The following MAN2A2 variants were observed in gnomAD, a reference collection of about 807,000 sequenced individuals.
MAN2A2 encodes the protein mannosidase alpha class 2A member 2, also known as alpha-mannosidase 2x.
In MAN2A2, 79 loss-of-function variants were observed where a neutral mutation model predicts 126.8. The ratio of observed to expected loss-of-function variants is 0.62; its 90% CI spans 0.52 to 0.75. MAN2A2 has a LOEUF of 0.75. MAN2A2 is among the 30% of genes least tolerant of loss of function. The pLI, the probability that MAN2A2 is intolerant of heterozygous loss-of-function variation, is 0.00. For missense variants in MAN2A2, 1,392 were observed against 1,522.4 expected (o/e 0.91, Z 1.43); for synonymous variants, 671 against 618.7 (o/e 1.08, Z -1.25).
chr15:90,913,435 C>A (rs1359801971), intron 18 of MAN2A2, 29 bp downstream of exon 18: 1 of 1,578,930 alleles, frequency 6.3e-7, no homozygotes, highest in South Asian at 1.1e-5. Context: ...TCTCGGAGAC[C>A]CCACAGAGTA....
intron 1 of MAN2A2, chr15:90,903,800 G>T (rs1321168608): frequency 3.1e-6 from 1 of 321,884 alleles, no homozygotes; most frequent in Non-Finnish European, 6.1e-6. Context: ...TTGGGTTCTG[G>T]CTAAACTTTT....
At position 90,910,246 on chromosome 15, in the gene MAN2A2, C is replaced by T. The variant is rs1445315505; in HGVS notation, c.1531C>T (p.Arg511Trp). The T allele has an allele frequency of 3.7e-6, 6 of 1,614,088 alleles. No homozygotes were observed. The highest frequency in any genetic ancestry group is 1.3e-5 in the African/African-American group (1 of 74,934). Residue 511 changes from arginine to tryptophan, a missense_variant, in exon 10 of 23, where the codon CGG (arginine) becomes TGG (tryptophan). Arg to Trp is a moderately radical substitution (Grantham distance 101, BLOSUM62 -3). Coordinates refer to ENST00000559717, the MANE Select transcript of MAN2A2 (RefSeq NM_006122.4). ...DHYWTGYYTS[R>W]PFYKSLDRVL... ...TTACTGGACAGGCTATTACACTTCC[C>T]GGCCCTTCTACAAGAGCTTAGACCG...
intron 20 of MAN2A2, among the ~76,000 whole-genome samples, 155 bp from the exon 21 acceptor site, chr15:90,918,039 C>T (rs1056898510): frequency 2.6e-5 from 4 of 152,164 alleles, no homozygotes; most frequent in East Asian, 1.9e-4. Context: ...GAAGGGTTAG[C>T]GGAACCTCGC....
intron 14 of MAN2A2, 39 bp from the exon 15 acceptor site, chr15:90,912,004 A>G: frequency 1.3e-6 from 2 of 1,557,172 alleles, no homozygotes; most frequent in Non-Finnish European, 1.8e-6. Context: ...CTGTGGCGAA[A>G]GCCGTGCCCC....
chr15:90,910,333 C>T (rs754200625), intron 10 of MAN2A2, 41 bp downstream of exon 10: 16 of 1,608,984 alleles, frequency 9.9e-6, no homozygotes, highest in Admixed American at 1.7e-5. Flanking sequence ...GGGGGAGAGT[C>T]AGCCTTTGGG....
At position 90,906,012 on chromosome 15, in the gene MAN2A2, C is replaced by T. The variant is rs147593880; in HGVS notation, c.703C>T (p.Arg235Ter). 4.3e-6 allele frequency: 7 copies of T among 1,613,608 alleles called. No individual in the cohort carries two copies. Among genetic ancestry groups the T allele is most frequent in the East Asian group, 4.5e-5 (2 of 44,884 alleles). ...NINVQKRAAV[R>*]RLVGNGQLEI... ...CAATGTCCAAAAGAGAGCGGCAGTC[C>T]GAAGGCCAGTACCAGGCGGGGAGGC... is the stretch of plus-strand genomic sequence containing the variant. The change falls in exon 5 of 23, where the codon CGA becomes TGA. Residue 235 changes from arginine (R) to a stop codon, truncating the protein, a stop_gained. Coordinates refer to ENST00000559717, the MANE Select transcript of MAN2A2 (RefSeq NM_006122.4). LOFTEE classifies it high-confidence loss of function.
At chr15:90,911,925 G>T in intron 14 of MAN2A2, 118 bp from the exon 15 acceptor site, 1 of 784,696 alleles carries the variant, frequency 1.3e-6, no homozygotes, top group South Asian at 1.6e-5. Flanking sequence ...CTTTGGAGGA[G>T]GGGCAGAGGC....
Position 90,909,414 on chromosome 15 carries a change from A to C in MAN2A2, c.1284A>C (p.Arg428=). 1 of 1,614,086 alleles carries C rather than the reference A, an allele frequency of 6.2e-7. No homozygotes were observed. Among genetic ancestry groups the C allele is most frequent in the Non-Finnish European group, 8.5e-7 (1 of 1,179,994 alleles). ...TGGTGCCTCTTGGAGATGACTTCCGATATGACAAGCCCCAGGAGTGGGATG... is the reference window on the plus strand; with the variant it reads ...TGGTGCCTCTTGGAGATGACTTCCGCTATGACAAGCCCCAGGAGTGGGATG... ...VLLVPLGDDF[R]YDKPQEWDAQ... The change falls in exon 9 of 23, where the codon CGA becomes CGC. Residue 428 remains arginine (R), a synonymous_variant. Coordinates refer to ENST00000559717, the MANE Select transcript of MAN2A2 (RefSeq NM_006122.4).
intron 14 of MAN2A2, 137 bp from the exon 15 acceptor site, chr15:90,911,906 T>C: frequency 1.4e-6 from 1 of 714,906 alleles, no homozygotes. Flanking sequence ...GCAAATCAGA[T>C]CACCTCCACT....
At chr15:90,906,303 C>G in intron 5 of MAN2A2, 67 bp from the exon 6 acceptor site, 1 of 1,599,628 alleles carries the variant, frequency 6.3e-7, no homozygotes, top group Non-Finnish European at 8.5e-7. Flanking sequence ...CAGGCCCTGA[C>G]ATTTGCTGGT....
chr15:90,910,148 A>C lies in MAN2A2; in HGVS notation c.1433A>C (p.Glu478Ala). 1.2e-6 allele frequency: 2 copies of C among 1,614,010 alleles called. No individual in the cohort carries two copies. The highest frequency in any genetic ancestry group is 3.3e-4 in the Middle Eastern group (2 of 5,990). The change falls in exon 10 of 23, where the codon GAG becomes GCG. Residue 478 changes from glutamate (E) to alanine (A), a missense_variant. Glu to Ala is a moderately radical substitution (Grantham distance 107). Transcript: ENST00000559717. ...FDALYKRTGV[E>A]PGARPPGFPV... ...GCCCTGTACAAGAGGACAGGGGTGG[A>C]GCCAGGGGCCCGGCCTCCAGGGTTT... is the stretch of plus-strand genomic sequence containing the variant.
At chr15:90,904,438 A>T (rs1166113911) in intron 2 of MAN2A2, 99 bp downstream of exon 2, 1 of 1,303,924 alleles carries the variant, frequency 7.7e-7, no homozygotes, top group Non-Finnish European at 1.0e-6. Flanking sequence ...CCCCCGCTGG[A>T]GGGTAATGTC....
rs1229973553 is a variant in MAN2A2 at position 90,906,829 on chromosome 15, A to G, written c.925A>G (p.Met309Val). Reference protein sequence around the residue: ...YLLRRANLTSMLIQRVHYAIK... With the variant: ...YLLRRANLTSVLIQRVHYAIK... ...GCTGCGCCGTGCCAACCTCACCAGC[A>G]TGCTGATTCAGAGAGTGCACTATGC... The change falls in exon 7 of 23, where the codon ATG (methionine) becomes GTG (valine). Residue 309 changes from methionine to valine, a missense_variant. Physicochemically the swap from Met to Val is conservative, Grantham distance 21. Transcript: ENST00000559717. 6.2e-7 allele frequency: 1 copy of G among 1,614,094 alleles called. No individual in the cohort carries two copies. The highest frequency in any genetic ancestry group is 8.5e-7 in the Non-Finnish European group (1 of 1,180,008).
intron 2 of MAN2A2, among the ~76,000 whole-genome samples, chr15:90,904,564 T>C (rs1353432839): frequency 6.6e-6 from 1 of 151,402 alleles, no homozygotes; most frequent in Non-Finnish European, 1.5e-5. Context: ...ATGAGTATTG[T>C]CACTCTGTTC....
rs1171005821 is a variant in MAN2A2, at chr15:90,910,504, G to A, written c.1581G>A (p.Gly527=). Residue 527 remains glycine, a synonymous_variant, in exon 11 of 23, where the codon GGG becomes GGA. Coordinates refer to ENST00000559717, the MANE Select transcript of MAN2A2 (RefSeq NM_006122.4). ...GCTAACTTCTCTCTCTGGGCAGGGG[G>A]GCAGAGGTTCTGTACAGCCTGGCTG... ...LDRVLEAHLR[G]AEVLYSLAAA... 2 of 1,613,856 alleles carry A rather than the reference G, an allele frequency of 1.2e-6. No individual in the cohort carries two copies. The highest frequency in any genetic ancestry group is 1.7e-6 in the Non-Finnish European group (2 of 1,179,982).
upstream of MAN2A2, chr15:90,902,633 C>T (rs977832435): frequency 6.6e-6 from 1 of 151,844 alleles, no homozygotes; most frequent in African/African-American, 2.4e-5. Flanking sequence ...CGGAGCGGGC[C>T]CGGGAGGAGC....
chr15:90,912,864 G>T lies in MAN2A2; in HGVS notation c.2470-13G>T. ...TGTGCTGTAGTTTCAACAGCAATCT[G>T]CTCTTTCTCTAGCCCTACGTCCCCA... On this transcript the variant is annotated splice_polypyrimidine_tract_variant and intron_variant, in intron 16 of 22. Transcript: ENST00000559717. The T allele has an allele frequency of 5.6e-6, 9 of 1,608,372 alleles. No homozygotes were observed. Among genetic ancestry groups the T allele is most frequent in the Non-Finnish European group, 7.7e-6 (9 of 1,175,280 alleles).
chr15:90,914,052 A>G (rs1394136215), intron 19 of MAN2A2, among the ~76,000 whole-genome samples: 1 of 152,244 alleles, frequency 6.6e-6, no homozygotes, highest in Admixed American at 6.5e-5. Context: ...AATGTCAAAA[A>G]GCAAAGCTAG....
In MAN2A2 at chr15:90,912,186, T is replaced by C; in HGVS notation, c.2253T>C (p.Phe751=). Residue 751 remains phenylalanine (F), a synonymous_variant, in exon 15 of 23, where the codon TTT becomes TTC. Coordinates refer to ENST00000559717, the MANE Select transcript of MAN2A2 (RefSeq NM_006122.4). ...TGTCCGTCAGCAGGCACGAAGCGTT[T>C]CCTCTCCGTGTCATTGACTCTGGCA... The part of the protein sequence containing the change: ...RQLSVSRHEA[F]PLRVIDSGTS... 2 of 1,614,110 alleles carry C rather than the reference T, an allele frequency of 1.2e-6. No individual in the cohort carries two copies. Among genetic ancestry groups the C allele is most frequent in the Non-Finnish European group, 8.5e-7 (1 of 1,179,994 alleles).
Sources: gnomAD v4.1 joint callset for allele counts (sites outside exome capture counted in the v4.1 genomes callset) on GRCh38, gnomAD v4.1.1 for gene constraint, MANE v1.5 for transcripts, NCBI Gene and HGNC (gene_info 2026-07-23, HGNC 2026-07-21) for gene names.